Variants in NACC2 observed in about 807,000 individuals in gnomAD.
NACC2 encodes the protein NACC family member 2.
Under a neutral mutation model 25.1 loss-of-function variants are expected in NACC2, and 8 were observed. The observed-to-expected ratio is 0.32, with a 90% CI of 0.19 to 0.57. The LOEUF is 0.57. NACC2 is among the 20% of genes least tolerant of loss of function. NACC2 has a pLI of 0.89. For synonymous variants in NACC2, 435 were observed against 294.7 expected (o/e 1.48, Z -4.88); for missense variants, 644 against 650.2 (o/e 0.99, Z 0.10).
At chr9:136,058,680 G>T (rs954731367) in intron 1 of NACC2, among the ~76,000 whole-genome samples, 1 of 152,148 alleles carries the variant, frequency 6.6e-6, no homozygotes, top group African/African-American at 2.4e-5. Context: ...CCTCAGCATC[G>T]CACCATGCAC....
At chr9:136,058,112 G>T (rs530932411) in intron 1 of NACC2, among the ~76,000 whole-genome samples, 6 of 152,212 alleles carry the variant, frequency 3.9e-5, no homozygotes, top group South Asian at 2.1e-4. Flanking sequence ...GGGCGGGGGG[G>T]GCCCAATGAC....
chr9:136,079,430 G>A (rs1048277580), intron 1 of NACC2, among the ~76,000 whole-genome samples: 1 of 152,238 alleles, frequency 6.6e-6, no homozygotes, highest in Non-Finnish European at 1.5e-5. Flanking sequence ...GGGCCCTGCA[G>A]GTGCAGCCAA....
At chr9:136,033,386 G>A (rs1387461071) in intron 2 of NACC2, among the ~76,000 whole-genome samples, 3 of 152,080 alleles carry the variant, frequency 2.0e-5, no homozygotes, top group Non-Finnish European at 4.4e-5. Context: ...GCTCACGCCT[G>A]TAATCCCAGC....
intron 1 of NACC2, among the ~76,000 whole-genome samples, chr9:136,058,106 G>A (rs978670956): frequency 6.8e-6 from 1 of 146,460 alleles, no homozygotes; most frequent in African/African-American, 2.6e-5. Flanking sequence ...CACTGGGGGC[G>A]GGGGGGGCCC....
chr9:136,047,927 C>T (rs1487420380), intron 2 of NACC2, among the ~76,000 whole-genome samples: 1 of 152,174 alleles, frequency 6.6e-6, no homozygotes, highest in East Asian at 1.9e-4. Context: ...CTCCCATCAC[C>T]CCAAACACAC....
Position 136,026,217 on chromosome 9 carries a change from T to G in NACC2, c.887-9788A>C, listed in dbSNP as rs548788308. ...TTAGCCAGGTGTGGTGGTGCGCACC[T>G]GTAATCCCAGCTACTCTGGAGGCTG... On this transcript the variant is annotated intron_variant, in intron 2 of 5. Coordinates refer to ENST00000277554, the MANE Select transcript of NACC2 (RefSeq NM_144653.5). 2.6e-5 allele frequency among the ~76,000 whole-genome samples: 4 copies of G among 151,524 alleles called. No individual in the cohort carries two copies. In the South Asian group the frequency reaches 6.3e-4, roughly 24 times the overall value.
At chr9:136,042,987 CACAG>C (rs1159606877) in intron 2 of NACC2, among the ~76,000 whole-genome samples, 1 of 151,418 alleles carries the variant, frequency 6.6e-6, no homozygotes, top group Non-Finnish European at 1.5e-5. Context: ...GACGCAGACA[CACAG>C]ACACAGTGTT....
intron 5 of NACC2, among the ~76,000 whole-genome samples, chr9:136,012,674 C>CT (rs1215522421): frequency 4.1e-5 from 3 of 72,316 alleles, no homozygotes; most frequent in African/African-American, 4.9e-5. Context: ...TTTTTTTTTT[C>CT]TTTTTTTTAG....
chr9:136,047,014 A>G (rs2131159542), intron 2 of NACC2, among the ~76,000 whole-genome samples: 1 of 152,254 alleles, frequency 6.6e-6, no homozygotes, highest in East Asian at 1.9e-4. Flanking sequence ...ACCCTCGGCA[A>G]TCGCTCAGGC....
chr9:136,037,017 A>G (rs1236168976), intron 2 of NACC2, among the ~76,000 whole-genome samples: 1 of 152,218 alleles, frequency 6.6e-6, no homozygotes, highest in African/African-American at 2.4e-5. Flanking sequence ...AAGAACATAG[A>G]TAAGGATGAC....
chr9:136,061,139 C>T (rs1383978975), intron 1 of NACC2, among the ~76,000 whole-genome samples: 1 of 152,172 alleles, frequency 6.6e-6, no homozygotes, highest in Non-Finnish European at 1.5e-5. Context: ...CCTTGAATGC[C>T]CCTAAACCCC....
chr9:136,041,108 G>T (rs1165423950), intron 2 of NACC2, among the ~76,000 whole-genome samples: 1 of 151,716 alleles, frequency 6.6e-6, no homozygotes, highest in African/African-American at 2.4e-5. Context: ...GGAAAGGAAG[G>T]AAGGAAAGGA....
At chr9:136,053,971 C>G (rs1359295637) in intron 1 of NACC2, among the ~76,000 whole-genome samples, 2 of 152,228 alleles carry the variant, frequency 1.3e-5, no homozygotes, top group East Asian at 3.9e-4. Context: ...AGGCTGAAAT[C>G]CTAGGTCCCG....
chr9:136,052,140 G>A lies in NACC2; in HGVS notation c.-59-1560C>T, dbSNP rs1840854646. 3.3e-5 allele frequency among the ~76,000 whole-genome samples: 5 copies of A among 152,346 alleles called. No individual in the cohort carries two copies. The South Asian group carries it at 8.3e-4, about 25-fold the overall frequency. The stretch of plus-strand genomic sequence containing the variant: ...CGGCTTTAAAAACAGTGGAGTGTTG[G>A]TGCCAGAGGAATGCGCGGCCCCGGG... On this transcript the variant is annotated intron_variant, in intron 1 of 5. Transcript: ENST00000277554.
At chr9:136,023,069 AGGGAGG>A (rs1840318300) in intron 2 of NACC2, among the ~76,000 whole-genome samples, 1 of 31,832 alleles carries the variant, frequency 3.1e-5, no homozygotes, top group Non-Finnish European at 5.7e-5. Flanking sequence ...AGGAGGGAAG[AGGGAGG>A]GAGGAGGGAG....
At chr9:136,070,595 T>C (rs1292133471) in intron 1 of NACC2, among the ~76,000 whole-genome samples, 1 of 151,288 alleles carries the variant, frequency 6.6e-6, no homozygotes, top group Non-Finnish European at 1.5e-5. Flanking sequence ...GGAAAATTTA[T>C]AGCATTAATG....
intron 1 of NACC2, among the ~76,000 whole-genome samples, chr9:136,057,477 C>T (rs1220360965): frequency 6.6e-6 from 1 of 152,184 alleles, no homozygotes; most frequent in Non-Finnish European, 1.5e-5. Context: ...TGGGATGCTC[C>T]CTCACACCAC....
intron 2 of NACC2, among the ~76,000 whole-genome samples, chr9:136,047,256 G>C (rs998898159): frequency 2.0e-5 from 3 of 152,000 alleles, no homozygotes; most frequent in African/African-American, 7.3e-5. Flanking sequence ...GGCAGCTCCA[G>C]GTCAGGCGAC....
At chr9:136,031,775 A>G (rs1840477238) in intron 2 of NACC2, among the ~76,000 whole-genome samples, 1 of 152,250 alleles carries the variant, frequency 6.6e-6, no homozygotes, top group Admixed American at 6.5e-5. Context: ...ATTAGCAAAT[A>G]AGAAATGTAT....
Sources: gnomAD v4.1 joint callset for allele counts (sites outside exome capture counted in the v4.1 genomes callset) on GRCh38, gnomAD v4.1.1 for gene constraint, MANE v1.5 for transcripts, NCBI Gene and HGNC (gene_info 2026-07-23, HGNC 2026-07-21) for gene names.